The following MROH1 variants were observed in gnomAD, a reference collection of about 807,000 sequenced individuals.
The protein encoded by MROH1 is maestro heat-like repeat-containing protein family member 1.
In MROH1, 117 loss-of-function variants were observed where a neutral mutation model predicts 116.5. The ratio of observed to expected loss-of-function variants is 1.00; its 90% CI spans 0.86 to 1.17. The LOEUF is 1.17. Among genes scored for constraint, MROH1 ranks in the 50% most tolerant of loss-of-function variants. MROH1 has a pLI of 0.00. For missense variants in MROH1, 1,873 were observed against 1,338.5 expected, an observed-to-expected ratio of 1.40 and a Z score of -6.23; for synonymous variants, 921 against 583.9, an observed-to-expected ratio of 1.58 and a Z score of -8.32.
intron 1 of MROH1, among the ~76,000 whole-genome samples, chr8:144,159,222 G>T (rs1168435445): frequency 6.6e-6 from 1 of 152,172 alleles, no homozygotes; most frequent in Non-Finnish European, 1.5e-5. Context: ...GCCAGGTATG[G>T]TGGCCCGTTT....
chr8:144,181,595 G>C (rs1032341565), intron 7 of MROH1, among the ~76,000 whole-genome samples: 1 of 152,194 alleles, frequency 6.6e-6, no homozygotes, highest in African/African-American at 2.4e-5. Context: ...GATGAGGGCA[G>C]GGCCCCTTGG....
At chr8:144,169,533 C>T (rs1376227188) in intron 4 of MROH1, among the ~76,000 whole-genome samples, 5 of 151,296 alleles carry the variant, frequency 3.3e-5, no homozygotes, top group South Asian at 2.1e-4. Context: ...CTCACTGCAA[C>T]GTCCACCTCC....
chr8:144,178,195 G>A (rs1242574858), intron 4 of MROH1, among the ~76,000 whole-genome samples: 2 of 151,062 alleles, frequency 1.3e-5, no homozygotes, highest in South Asian at 2.1e-4. Context: ...GTGCAGTGGC[G>A]CGATCTCGGC....
At chr8:144,197,309 C>A (rs1830126345) in intron 10 of MROH1, among the ~76,000 whole-genome samples, 1 of 151,610 alleles carries the variant, frequency 6.6e-6, no homozygotes, top group Admixed American at 6.6e-5. Flanking sequence ...GGCCCCAGTT[C>A]CTCACCACAT....
At chr8:144,153,690 T>C (rs1315506800) in intron 1 of MROH1, among the ~76,000 whole-genome samples, 7 of 152,226 alleles carry the variant, frequency 4.6e-5, no homozygotes, top group Non-Finnish European at 8.8e-5. Context: ...GATGTCTTTT[T>C]TGAGATCCTA....
intron 5 of MROH1, among the ~76,000 whole-genome samples, 188 bp downstream of exon 5, chr8:144,179,774 G>A (rs1825080603): frequency 6.6e-6 from 1 of 152,182 alleles, no homozygotes; most frequent in African/African-American, 2.4e-5. Context: ...ATTTTCAGAG[G>A]CAGCAACTGA....
rs578129657 is a variant in MROH1, at chr8:144,168,392, G to C, written c.120G>C (p.Pro40=). Residue 40 remains proline, a synonymous_variant, in exon 4 of 44, where the codon CCG becomes CCC. Transcript: ENST00000326134. ...TGTGCTCCCTCGGGGAGGCGCGGCC[G>C]GTGGAGACGCTCCGTGCCTGCGAGG... The part of the protein sequence containing the change: ...SALCSLGEAR[P]VETLRACEEY... 6.2e-7 allele frequency: 1 copy of C among 1,611,550 alleles called. No individual in the cohort carries two copies. Among genetic ancestry groups the C allele is most frequent in the South Asian group, 1.1e-5 (1 of 91,062 alleles).
Position 144,248,894 on chromosome 8 carries a change from C to T in MROH1, c.3138C>T (p.Leu1046=), listed in dbSNP as rs1177527866. The change falls in exon 32 of 44, where the codon CTC becomes CTT. Residue 1046 remains leucine, a synonymous_variant. Transcript: ENST00000326134. ...HSVGQIIAKR[L]PPDQLISLLL... ...CCTCCTAGATTATTGCCAAGCGCCT[C>T]CCCCCAGACCAGCTCATCAGCCTCT... 5 of 778,576 alleles carry T rather than the reference C, an allele frequency of 6.4e-6. No individual in the cohort carries two copies. In the African/African-American group the frequency reaches 8.5e-5, roughly 13 times the overall value. The allele number at this position is 778,576 out of a possible 1,614,324, so 48.2% of individuals were successfully genotyped here.
intron 15 of MROH1, 84 bp from the exon 16 acceptor site, chr8:144,238,951 T>TC (rs2132849338): frequency 1.3e-6 from 1 of 769,668 alleles, no homozygotes. Flanking sequence ...AAAGGGTCTG[T>TC]CTCCACCTTG....
At chr8:144,223,973 C>T (rs551360047) in intron 14 of MROH1, among the ~76,000 whole-genome samples, 4 of 152,334 alleles carry the variant, frequency 2.6e-5, no homozygotes, top group African/African-American at 4.8e-5. Context: ...GATGTTGCCT[C>T]TAAGTGCGTG....
At position 144,182,475 on chromosome 8, in the gene MROH1, C is replaced by T. The variant is rs1372173377; in HGVS notation, c.562+1952C>T. 6.6e-6 allele frequency among the ~76,000 whole-genome samples: 1 copy of T among 152,112 alleles called. No homozygotes were observed. Among genetic ancestry groups the T allele is most frequent in the Non-Finnish European group, 1.5e-5 (1 of 68,022 alleles). ...GAGAAAGAAAATCTCTGATTAATAT[C>T]CTCAGGAAAATAAGTGGGCATCATG... is the stretch of plus-strand genomic sequence containing the variant. On this transcript the variant is annotated intron_variant, in intron 7 of 43. Coordinates refer to ENST00000326134, the MANE Select transcript of MROH1 (RefSeq NM_032450.3). The surrounding 1 kb of genome is among the most constrained non-coding windows in gnomAD (Gnocchi z 4.1).
At chr8:144,202,629 G>GA (rs1233927228) in intron 12 of MROH1, among the ~76,000 whole-genome samples, 8 of 58,102 alleles carry the variant, frequency 1.4e-4, no homozygotes, top group East Asian at 1.7e-3. Flanking sequence ...GAGGGGTGGG[G>GA]AGGGGAGCGC....
intron 4 of MROH1, among the ~76,000 whole-genome samples, chr8:144,177,781 T>TTCTCTTCCTCCTCCTC (rs1252996596): frequency 7.2e-5 from 11 of 151,988 alleles, no homozygotes; most frequent in Admixed American, 5.9e-4. Flanking sequence ...ATGTGGCTTC[T>TTCTCTTCCTCCTCCTC]TCTCTTCCTC....
chr8:144,241,604 C>T (rs1243213350), intron 22 of MROH1, 87 bp downstream of exon 22: 4 of 769,322 alleles, frequency 5.2e-6, no homozygotes, highest in South Asian at 1.4e-5. Flanking sequence ...TGGAGTGGGG[C>T]AGGAAGCTGG....
intron 35 of MROH1, 25 bp downstream of exon 35, chr8:144,255,730 T>A (rs1431925582): frequency 1.5e-5 from 11 of 733,638 alleles, no homozygotes; most frequent in Non-Finnish European, 2.5e-5. Flanking sequence ...ACTTCCCACC[T>A]CCAGTACTGA....
chr8:144,174,342 T>C (rs2131168376), intron 4 of MROH1, among the ~76,000 whole-genome samples: 1 of 152,202 alleles, frequency 6.6e-6, no homozygotes, highest in Non-Finnish European at 1.5e-5. Flanking sequence ...CACCCCTCTC[T>C]ACCTAGGCAT....
At chr8:144,189,423 A>G (rs1484117827) in intron 7 of MROH1, among the ~76,000 whole-genome samples, 1 of 152,082 alleles carries the variant, frequency 6.6e-6, no homozygotes, top group African/African-American at 2.4e-5. Context: ...CCCGGGGCCC[A>G]GCCCCACTGA....
chr8:144,255,330 C>T (rs1453374474), intron 34 of MROH1, among the ~76,000 whole-genome samples, 179 bp from the exon 35 acceptor site: 3 of 152,248 alleles, frequency 2.0e-5, no homozygotes, highest in Non-Finnish European at 2.9e-5. Context: ...TGTCTCCTGC[C>T]TCTACCCCTG....
chr8:144,170,783 G>T (rs1822236086), intron 4 of MROH1, among the ~76,000 whole-genome samples: 3 of 152,196 alleles, frequency 2.0e-5, no homozygotes, highest in Admixed American at 2.0e-4. Context: ...GCCACCAAGG[G>T]GTGCTGGGCC....
Sources: gnomAD v4.1 joint callset for allele counts (sites outside exome capture counted in the v4.1 genomes callset) on GRCh38, gnomAD v4.1.1 for gene constraint, Gnocchi (gnomAD v3.1) non-coding constraint, MANE v1.5 for transcripts, NCBI Gene and HGNC (gene_info 2026-07-23, HGNC 2026-07-21) for gene names.